TMCC1: variants seen among roughly 807,000 people sequenced by gnomAD.
TMCC1 encodes the protein transmembrane and coiled-coil domains protein 1.
TMCC1 carries 15 observed loss-of-function variants against 52.4 expected under a neutral mutation model. That is an observed-to-expected ratio of 0.29 (90% confidence interval 0.19 to 0.44). TMCC1 has a LOEUF of 0.44. TMCC1 is among the 20% of genes least tolerant of loss of function. The pLI is 1.00. For missense variants in TMCC1, 503 were observed against 806.0 expected (o/e 0.62, Z 4.55); for synonymous variants, 279 against 301.9 (o/e 0.92, Z 0.79).
intron 4 of TMCC1, among the ~76,000 whole-genome samples, chr3:129,687,257 C>T (rs142117276): frequency 6.2e-4 from 95 of 152,062 alleles, no homozygotes; most frequent in Admixed American, 1.7e-3. Flanking sequence ...TCCAGTAACA[C>T]CTGCCTAAGT....
intron 4 of TMCC1, among the ~76,000 whole-genome samples, chr3:129,701,454 A>G (rs1306896532): frequency 1.3e-5 from 2 of 152,208 alleles, no homozygotes; most frequent in Non-Finnish European, 2.9e-5. Context: ...GTAAAAGCGA[A>G]CCCCCATAAC....
chr3:129,795,463 T>TC (rs1455479136), intron 4 of TMCC1, among the ~76,000 whole-genome samples: 1 of 5,098 alleles, frequency 2.0e-4, no homozygotes, highest in Non-Finnish European at 2.4e-3. Flanking sequence ...TCGTATATTT[T>TC]TTTTCCCTGT....
intron 4 of TMCC1, among the ~76,000 whole-genome samples, chr3:129,727,460 T>C (rs2107607762): frequency 6.6e-6 from 1 of 152,294 alleles, no homozygotes; most frequent in African/African-American, 2.4e-5. Context: ...TTTTTATAAA[T>C]ATGAATTTTA....
At chr3:129,689,842 A>G (rs1412243380) in intron 4 of TMCC1, among the ~76,000 whole-genome samples, 1 of 152,216 alleles carries the variant, frequency 6.6e-6, no homozygotes, top group Non-Finnish European at 1.5e-5. Context: ...ACAAATTAAT[A>G]AAGAATTTGA....
chr3:129,809,556 A>AT (rs1440149005), intron 4 of TMCC1, among the ~76,000 whole-genome samples: 1 of 152,136 alleles, frequency 6.6e-6, no homozygotes, highest in African/African-American at 2.4e-5. Context: ...TCCAGCTGTA[A>AT]TTTTTTAAAT....
chr3:129,664,350 A>G (rs2087280643), intron 5 of TMCC1, among the ~76,000 whole-genome samples: 1 of 152,224 alleles, frequency 6.6e-6, no homozygotes, highest in Non-Finnish European at 1.5e-5. Context: ...GGTCAAATCA[A>G]CTAAAATTAT....
intron 4 of TMCC1, among the ~76,000 whole-genome samples, chr3:129,809,246 CAAAAAAAAAAAA>C (rs11418962): frequency 2.2e-5 from 2 of 91,414 alleles, no homozygotes; most frequent in Admixed American, 2.7e-4. Context: ...GATTCCATCT[CAAAAAAAAAAAA>C]AAAAAAAAAT....
Position 129,827,844 on chromosome 3 carries a change from C to T in TMCC1, c.535G>A (p.Ala179Thr). 1.2e-6 allele frequency: 2 copies of T among 1,613,738 alleles called. No individual in the cohort carries two copies. Among genetic ancestry groups the T allele is most frequent in the Non-Finnish European group, 1.7e-6 (2 of 1,179,722 alleles). The part of the protein sequence containing the change: ...MEIACAAAAA[A>T]AACLPGEEGT... ...TCCTCTCCTGGTAGACATGCAGCAGCAGCAGCAGCAGCAGCACAAGCTATT... is the reference window on the plus strand; with the variant it reads ...TCCTCTCCTGGTAGACATGCAGCAGTAGCAGCAGCAGCAGCACAAGCTATT... Residue 179 changes from alanine (A) to threonine (T), a missense_variant, in exon 4 of 7, where the codon GCT (alanine) becomes ACT (threonine). Around this residue, in one of 7 missense-constraint regions of TMCC1, gnomAD observed 217 missense variants for 297.9 expected, o/e 0.73. Coordinates refer to ENST00000393238, the MANE Select transcript of TMCC1 (RefSeq NM_001017395.5).
At chr3:129,697,419 C>T (rs529315506) in intron 4 of TMCC1, among the ~76,000 whole-genome samples, 7 of 152,138 alleles carry the variant, frequency 4.6e-5, no homozygotes, top group Non-Finnish European at 7.4e-5. Context: ...GGGGGGTCCT[C>T]GGCCTGGCCC....
intron 4 of TMCC1, among the ~76,000 whole-genome samples, chr3:129,768,142 C>T: frequency 6.6e-6 from 1 of 152,104 alleles, no homozygotes; most frequent in East Asian, 1.9e-4. Context: ...TGAGCCATGA[C>T]TGCACCACTG....
chr3:129,826,992 T>G (rs1322630875), intron 4 of TMCC1, among the ~76,000 whole-genome samples: 1 of 152,012 alleles, frequency 6.6e-6, no homozygotes, highest in African/African-American at 2.4e-5. Context: ...TTGAAAAAAA[T>G]CAGAAGCTCT....
chr3:129,752,691 T>C (rs2052639809), intron 4 of TMCC1, among the ~76,000 whole-genome samples: 1 of 151,814 alleles, frequency 6.6e-6, no homozygotes, highest in African/African-American at 2.4e-5. Context: ...CAAAAACTAA[T>C]ACATTAAAAC....
At chr3:129,661,839 T>C (rs899418355) in intron 5 of TMCC1, among the ~76,000 whole-genome samples, 18 of 152,012 alleles carry the variant, frequency 1.2e-4, no homozygotes, top group African/African-American at 4.3e-4. Flanking sequence ...GTTAATGAAA[T>C]GCAAATAACG....
At chr3:129,843,307 A>G (rs191393324) in intron 2 of TMCC1, among the ~76,000 whole-genome samples, 3 of 152,226 alleles carry the variant, frequency 2.0e-5, no homozygotes, top group Non-Finnish European at 4.4e-5. Context: ...AGATCGCACC[A>G]CTGCACTCCA....
intron 4 of TMCC1, among the ~76,000 whole-genome samples, chr3:129,703,112 C>G (rs186797963): frequency 6.6e-6 from 1 of 152,142 alleles, no homozygotes; most frequent in Admixed American, 6.5e-5. Flanking sequence ...GGGGATAAAC[C>G]CACATACAAA....
chr3:129,834,614 A>C (rs2107848529), intron 2 of TMCC1, among the ~76,000 whole-genome samples: 1 of 152,326 alleles, frequency 6.6e-6, no homozygotes, highest in African/African-American at 2.4e-5. Context: ...GATGCATGAG[A>C]GGAGGGAAAG....
At chr3:129,752,681 C>A (rs76281574) in intron 4 of TMCC1, among the ~76,000 whole-genome samples, 2,021 of 151,764 alleles carry the variant, frequency 0.013, 29 homozygotes, top group African/African-American at 0.043. Context: ...CACACACACA[C>A]AAAAACTAAT....
At chr3:129,823,641 A>T (rs2058525365) in intron 4 of TMCC1, among the ~76,000 whole-genome samples, 1 of 152,114 alleles carries the variant, frequency 6.6e-6, no homozygotes, top group Admixed American at 6.5e-5. Flanking sequence ...CAAACAAACA[A>T]ACAAACAAAA....
intron 4 of TMCC1, among the ~76,000 whole-genome samples, chr3:129,784,025 ACT>A (rs1434859298): frequency 1.1e-4 from 16 of 152,140 alleles, no homozygotes; most frequent in African/African-American, 4.8e-5. Flanking sequence ...ACATGGTATC[ACT>A]CTGCAGTAGA....
Sources: gnomAD v4.1 joint callset for allele counts (sites outside exome capture counted in the v4.1 genomes callset) on GRCh38, gnomAD v4.1.1 for gene constraint, gnomAD v4.1.1 regional missense constraint, MANE v1.5 for transcripts, NCBI Gene and HGNC (gene_info 2026-07-23, HGNC 2026-07-21) for gene names.